The following ADGRE2 variants were observed in gnomAD, a reference collection of about 807,000 sequenced individuals.
ADGRE2 encodes the protein adhesion G protein-coupled receptor E2.
In ADGRE2, 83 loss-of-function variants were observed where a neutral mutation model predicts 100.8. The observed-to-expected ratio is 0.82, with a 90% CI of 0.69 to 0.99. The LOEUF (loss-of-function observed/expected upper bound fraction) is 0.99. Ranked by LOEUF, ADGRE2 falls within the 50% of genes least tolerant of loss-of-function variation. The pLI is 0.00. For synonymous variants in ADGRE2, 355 were observed against 413.0 expected, an observed-to-expected ratio of 0.86 and a Z score of 1.70; for missense variants, 814 against 1,035.7, an observed-to-expected ratio of 0.79 and a Z score of 2.94.
At position 14,739,151 on chromosome 19, in the gene ADGRE2, G is replaced by A. The variant is rs117391507; in HGVS notation, c.2464-2907C>T. ...TGCCTGGCTAGTTTTTGTGTTTTTA[G>A]TAGAGGTGGGGTCTTGCCATGTTGG... On this transcript the variant is annotated intron_variant, in intron 20 of 20. Coordinates refer to ENST00000315576, the MANE Select transcript of ADGRE2 (RefSeq NM_013447.4). Among the ~76,000 whole-genome samples the A allele has an allele frequency of 8.9e-4, 135 of 151,996 alleles. 1 individual carries two copies. The East Asian group carries it at 0.023, about 26-fold the overall frequency.
intron 11 of ADGRE2, among the ~76,000 whole-genome samples, chr19:14,763,664 T>G (rs1177245209): frequency 8.3e-6 from 1 of 120,940 alleles, no homozygotes; most frequent in African/African-American, 3.2e-5. Flanking sequence ...TCTCGTCTCC[T>G]CCTCCTCTCC....
chr19:14,776,976 G>GCGCGCACA lies in ADGRE2; in HGVS notation c.-171-50_-171-49insTGTGCGCG, dbSNP rs71166800. ...ATAAAAACACAGAACCAGGGGCGCTGCACACACACACACACACACACACAC... is the reference window on the plus strand; with the variant it reads ...ATAAAAACACAGAACCAGGGGCGCTGCGCGCACACACACACACACACACACACACACAC... On this transcript the variant is annotated intron_variant, in intron 1 of 20. Coordinates refer to ENST00000315576, the MANE Select transcript of ADGRE2 (RefSeq NM_013447.4). 4.8e-4 allele frequency: 497 copies of GCGCGCACA among 1,026,178 alleles called. 2 individuals carry two copies. Among genetic ancestry groups the GCGCGCACA allele is most frequent in the Middle Eastern group, 2.0e-3 (5 of 2,488 alleles). The allele number at this position is 1,026,178 out of a possible 1,614,324, so 63.6% of individuals were successfully genotyped here. A position where few individuals can be genotyped will look rare whatever the true frequency, so the allele number is the denominator to read the frequency against.
At chr19:14,759,488 C>CATATATATATATATAT (rs147074153) in intron 11 of ADGRE2, among the ~76,000 whole-genome samples, 139 of 133,562 alleles carry the variant, frequency 1.0e-3, no homozygotes, top group African/African-American at 3.5e-3. Flanking sequence ...ATAAGTTATA[C>CATATATATATATATAT]ATATATATAT....
Position 14,765,683 on chromosome 19 carries a change from A to G in ADGRE2, c.756T>C (p.Asn252=). The G allele has an allele frequency of 6.2e-7, 1 of 1,611,548 alleles. No homozygotes were observed. The highest frequency in any genetic ancestry group is 8.5e-7 in the Non-Finnish European group (1 of 1,178,566). ...PGWKPRHGIP[N]NQKDTVCEDM... The stretch of plus-strand genomic sequence containing the variant: ...CTTCACAGACAGTGTCCTTTTGGTT[A>G]TTCGGGATTCCGTGTCTGGGCTTCC... Residue 252 remains asparagine (N), a synonymous_variant, in exon 8 of 21, where the codon AAT becomes AAC. Transcript: ENST00000315576.
Position 14,778,333 on chromosome 19 carries a change from G to A in ADGRE2, c.-248C>T, listed in dbSNP as rs182261640. On this transcript the variant is annotated 5_prime_UTR_variant, in exon 1 of 21. The change creates a premature stop within an existing upstream ORF in the 5' untranslated region. Coordinates refer to ENST00000315576, the MANE Select transcript of ADGRE2 (RefSeq NM_013447.4). ...TGAGGCAGGAAGAATCACCCGAGCT[G>A]GGGAGTTTGAGGCTGCGGTGAGCTA... 1.1e-3 allele frequency: 186 copies of A among 174,336 alleles called. 1 individual carries two copies. The highest frequency in any genetic ancestry group is 4.0e-3 in the African/African-American group (170 of 41,976). The allele number at this position is 174,336 out of a possible 1,614,324, so 10.8% of individuals were successfully genotyped here.
In ADGRE2 at chr19:14,743,706, C is replaced by T. The variant is rs199725081; in HGVS notation, c.2262G>A (p.Pro754=). The T allele has an allele frequency of 7.2e-5, 117 of 1,614,032 alleles. 1 individual carries two copies. The highest frequency in any genetic ancestry group is 1.6e-4 in the Middle Eastern group (1 of 6,084). ...AGAGGTAGGCCATGACCCGGGCAGC[C>T]GGACCCACCTGCAAGATGCCCAGAC... The part of the protein sequence containing the change: ...TWCLGILQVG[P]AARVMAYLFT... The change falls in exon 19 of 21, where the codon CCG becomes CCA. Residue 754 remains proline (P), a synonymous_variant. Coordinates refer to ENST00000315576, the MANE Select transcript of ADGRE2 (RefSeq NM_013447.4).
intron 11 of ADGRE2, among the ~76,000 whole-genome samples, chr19:14,761,947 G>C (rs535670852): frequency 6.6e-6 from 1 of 152,312 alleles, no homozygotes; most frequent in East Asian, 1.9e-4. Context: ...ACAAGAGAGA[G>C]AGTTGTTCTC....
chr19:14,737,184 C>CTTTTTTTTTTTTTTTTTTTTTTTTTTTTT (rs112890797), intron 20 of ADGRE2, among the ~76,000 whole-genome samples: 1 of 141,766 alleles, frequency 7.1e-6, no homozygotes, highest in Non-Finnish European at 1.5e-5. Context: ...TTTAAGAAGT[C>CTTTTTTTTTTTTTTTTTTTTTTTTTTTTT]TTTTTTTTTT....
At chr19:14,777,437 C>T (rs1261521578) in intron 1 of ADGRE2, among the ~76,000 whole-genome samples, 3 of 152,158 alleles carry the variant, frequency 2.0e-5, no homozygotes, top group African/African-American at 7.2e-5. Context: ...TGAGACCAGC[C>T]TGGGCAACAT....
At chr19:14,757,455 T>C (rs1345928687) in intron 11 of ADGRE2, among the ~76,000 whole-genome samples, 1 of 152,142 alleles carries the variant, frequency 6.6e-6, no homozygotes, top group Non-Finnish European at 1.5e-5. Context: ...GTTGGAGAAT[T>C]CACACTACCT....
intron 16 of ADGRE2, 137 bp from the exon 17 acceptor site, chr19:14,747,099 G>A: frequency 1.3e-6 from 1 of 781,692 alleles, no homozygotes; most frequent in Non-Finnish European, 2.1e-6. Context: ...TTAGTGATAG[G>A]GTCTGTGGTT....
At chr19:14,759,657 C>G (rs917770470) in intron 11 of ADGRE2, among the ~76,000 whole-genome samples, 6 of 150,744 alleles carry the variant, frequency 4.0e-5, no homozygotes, top group Non-Finnish European at 8.8e-5. Context: ...TCACTAAGCC[C>G]AGCTAATTTT....
intron 20 of ADGRE2, chr19:14,741,641 T>TA (rs199768308): frequency 0.026 from 3,809 of 148,532 alleles, 173 homozygotes; most frequent in African/African-American, 0.089. Flanking sequence ...CACGCCTGGC[T>TA]ATTTTTTTTT....
chr19:14,772,147 CCA>C, intron 5 of ADGRE2, 193 bp downstream of exon 5: 1 of 708,716 alleles, frequency 1.4e-6, no homozygotes, highest in Non-Finnish European at 2.3e-6. Context: ...GTAGCTGGTC[CCA>C]GAGTTTTCCC....
intron 11 of ADGRE2, among the ~76,000 whole-genome samples, chr19:14,760,959 C>A (rs2043697672): frequency 1.3e-5 from 2 of 152,176 alleles, no homozygotes; most frequent in Admixed American, 6.5e-5. Flanking sequence ...CTCCTTCAAC[C>A]AACTGCCAAT....
At chr19:14,740,652 G>C (rs2042902900) in intron 20 of ADGRE2, among the ~76,000 whole-genome samples, 1 of 151,482 alleles carries the variant, frequency 6.6e-6, no homozygotes, top group Non-Finnish European at 1.5e-5. Context: ...AATAAAAAAG[G>C]AAAAAGGTAA....
intron 16 of ADGRE2, among the ~76,000 whole-genome samples, chr19:14,749,050 A>G (rs987521254): frequency 5.3e-5 from 8 of 151,676 alleles, no homozygotes; most frequent in African/African-American, 1.9e-4. Flanking sequence ...ATCACATTAT[A>G]GTTATATAAT....
chr19:14,759,359 A>G (rs904885300), intron 11 of ADGRE2, among the ~76,000 whole-genome samples: 1 of 151,732 alleles, frequency 6.6e-6, no homozygotes, highest in African/African-American at 2.4e-5. Context: ...TAAAAGGGAA[A>G]CCTTACTGAG....
intron 12 of ADGRE2, 81 bp downstream of exon 12, chr19:14,756,157 T>A: frequency 8.8e-7 from 1 of 1,135,122 alleles, no homozygotes; most frequent in South Asian, 1.3e-5. Flanking sequence ...CTTTAATCTT[T>A]AAATTTCTTA....
Sources: allele counts gnomAD v4.1 joint callset (sites outside exome capture counted in the v4.1 genomes callset), GRCh38; gene constraint gnomAD v4.1.1; transcripts MANE v1.5; gene names NCBI Gene and HGNC (gene_info 2026-07-23, HGNC 2026-07-21).